SH3GL2: variants seen among roughly 807,000 people sequenced by gnomAD.
The protein encoded by SH3GL2 is SH3 domain containing GRB2 like 2, endophilin A1.
SH3GL2 carries 24 observed loss-of-function variants against 46.0 expected under a neutral mutation model. The ratio of observed to expected loss-of-function variants is 0.52; its 90% confidence interval spans 0.38 to 0.73. SH3GL2 has a LOEUF of 0.73. Among genes scored for constraint, SH3GL2 ranks in the 30% least tolerant of loss-of-function variants. SH3GL2 has a pLI of 0.00. For synonymous variants in SH3GL2, 196 were observed against 147.1 expected (o/e 1.33, Z -2.40); for missense variants, 413 against 424.2 (o/e 0.97, Z 0.23).
rs993498874 is a variant in SH3GL2, at chr9:17,679,968, T to A, written c.46-67098T>A. Among the ~76,000 whole-genome samples, 7 of 152,230 alleles carry A rather than the reference T, an allele frequency of 4.6e-5. 1 individual carries two copies. The highest frequency in any genetic ancestry group is 9.6e-5 in the African/African-American group (4 of 41,540). On this transcript the variant is annotated intron_variant, in intron 1 of 8. Transcript: ENST00000380607. The stretch of plus-strand genomic sequence containing the variant: ...ATATGTTGAACCAGCCTTGCATCCC[T>A]GGGATGAAGCCCACTTGATCGTGGT...
chr9:17,772,569 C>G (rs962419756), intron 3 of SH3GL2, among the ~76,000 whole-genome samples: 1 of 152,178 alleles, frequency 6.6e-6, no homozygotes, highest in Non-Finnish European at 1.5e-5. Flanking sequence ...ATTCTAATCA[C>G]TTCATGTAAG....
At chr9:17,675,957 A>T (rs1248756081) in intron 1 of SH3GL2, among the ~76,000 whole-genome samples, 1 of 152,196 alleles carries the variant, frequency 6.6e-6, no homozygotes, top group Non-Finnish European at 1.5e-5. Flanking sequence ...AAAAATAAAA[A>T]AATAAAAAAA....
At chr9:17,663,242 T>G (rs1003338263) in intron 1 of SH3GL2, among the ~76,000 whole-genome samples, 3 of 152,198 alleles carry the variant, frequency 2.0e-5, no homozygotes, top group African/African-American at 7.2e-5. Context: ...GAATTGATCT[T>G]TTAGTTGTTG....
At chr9:17,678,663 T>C (rs1372058380) in intron 1 of SH3GL2, among the ~76,000 whole-genome samples, 3 of 152,218 alleles carry the variant, frequency 2.0e-5, no homozygotes, top group Admixed American at 2.0e-4. Context: ...ATTTTGTCTT[T>C]TGTTGCCATT....
chr9:17,685,357 A>T (rs767828246), intron 1 of SH3GL2, among the ~76,000 whole-genome samples: 4 of 152,044 alleles, frequency 2.6e-5, no homozygotes, highest in Non-Finnish European at 5.9e-5. Flanking sequence ...GGTTGATTGG[A>T]TGAGGTCCCC....
At chr9:17,735,139 G>A (rs76808962) in intron 1 of SH3GL2, among the ~76,000 whole-genome samples, 1 of 151,984 alleles carries the variant, frequency 6.6e-6, no homozygotes, top group African/African-American at 2.4e-5. Context: ...ATATTCCTCT[G>A]TCTCTTCCTC....
chr9:17,709,680 T>TACACACACACACACACAC lies in SH3GL2; in HGVS notation c.46-37369_46-37352dup, dbSNP rs3837228. On this transcript the variant is annotated intron_variant, in intron 1 of 8. Coordinates refer to ENST00000380607, the MANE Select transcript of SH3GL2 (RefSeq NM_003026.5). ...TATATATAGTTTAACTTATTTGTAT[T>TACACACACACACACACAC]ACACACACACACACACACACACACA... Among the ~76,000 whole-genome samples, 85 of 148,274 alleles carry TACACACACACACACACAC rather than the reference T, an allele frequency of 5.7e-4. 1 individual carries two copies. The highest frequency in any genetic ancestry group is 2.0e-3 in the African/African-American group (79 of 40,172).
chr9:17,611,298 G>A (rs961687748), intron 1 of SH3GL2, among the ~76,000 whole-genome samples: 4 of 152,172 alleles, frequency 2.6e-5, no homozygotes, highest in South Asian at 2.1e-4. Context: ...ACGTGGGTAC[G>A]TGATAGACAT....
chr9:17,785,109 T>G (rs1265047488), intron 3 of SH3GL2, among the ~76,000 whole-genome samples: 2 of 152,312 alleles, frequency 1.3e-5, no homozygotes, highest in East Asian at 3.9e-4. Context: ...CCACCAGCCT[T>G]TACATGTGCT....
rs185720894 is a variant in SH3GL2 at position 17,704,011 on chromosome 9, G to T, written c.46-43055G>T. 1.7e-3 allele frequency among the ~76,000 whole-genome samples: 252 copies of T among 152,138 alleles called. 1 individual carries two copies. The highest frequency in any genetic ancestry group is 5.9e-3 in the African/African-American group (243 of 41,512). On this transcript the variant is annotated intron_variant, in intron 1 of 8. Transcript: ENST00000380607. ...AGAGGAAGTCAAACTATCTGTCTTT[G>T]TAGACCATATGGTTCTATACCTAGA... is the stretch of plus-strand genomic sequence containing the variant.
intron 1 of SH3GL2, among the ~76,000 whole-genome samples, chr9:17,630,038 G>C (rs1198517119): frequency 6.6e-6 from 1 of 152,138 alleles, no homozygotes; most frequent in East Asian, 1.9e-4. Context: ...GACATAAAAA[G>C]CCTCATGTTT....
rs138236993 is a variant in SH3GL2, at chr9:17,642,492, C to G, written c.45+63205C>G. Among the ~76,000 whole-genome samples the G allele has an allele frequency of 7.3e-3, 1,108 of 152,172 alleles. 15 individuals carry two copies. Among genetic ancestry groups the G allele is most frequent in the African/African-American group, 0.025 (1,042 of 41,500 alleles). The stretch of plus-strand genomic sequence containing the variant: ...AGGGTTTTTATGGTTTTAGGTCTGA[C>G]GTTTAAATATTTAATCCATCTTGAG... On this transcript the variant is annotated intron_variant, in intron 1 of 8. Coordinates refer to ENST00000380607, the MANE Select transcript of SH3GL2 (RefSeq NM_003026.5).
At chr9:17,678,137 T>C (rs909349121) in intron 1 of SH3GL2, among the ~76,000 whole-genome samples, 1 of 152,172 alleles carries the variant, frequency 6.6e-6, no homozygotes, top group Admixed American at 6.5e-5. Flanking sequence ...TATAGTCCTT[T>C]GGGTATATAC....
chr9:17,614,323 A>AAAAAAAAC (rs1818938821), intron 1 of SH3GL2, among the ~76,000 whole-genome samples: 2 of 146,774 alleles, frequency 1.4e-5, no homozygotes, highest in Non-Finnish European at 3.0e-5. Context: ...AAAAAAAAAA[A>AAAAAAAAC]TCCTTGCCCC....
intron 1 of SH3GL2, among the ~76,000 whole-genome samples, chr9:17,737,166 C>T (rs1423248595): frequency 6.6e-6 from 1 of 151,808 alleles, no homozygotes; most frequent in East Asian, 2.0e-4. Context: ...AACACATGGA[C>T]ACAGAGAGGG....
chr9:17,747,620 G>A (rs2131131756), intron 2 of SH3GL2, among the ~76,000 whole-genome samples: 1 of 152,220 alleles, frequency 6.6e-6, no homozygotes, highest in South Asian at 2.1e-4. Context: ...TTCCTGCCAT[G>A]TGTCACAAAA....
At chr9:17,752,121 C>T (rs989988120) in intron 2 of SH3GL2, among the ~76,000 whole-genome samples, 1 of 152,134 alleles carries the variant, frequency 6.6e-6, no homozygotes, top group African/African-American at 2.4e-5. Flanking sequence ...TTTCTGAAAA[C>T]ATAAGATAAT....
intron 1 of SH3GL2, among the ~76,000 whole-genome samples, chr9:17,726,819 G>A (rs1385651152): frequency 6.6e-6 from 1 of 152,150 alleles, no homozygotes; most frequent in African/African-American, 2.4e-5. Context: ...TGGGGAAGAT[G>A]TGGAGAAACA....
intron 1 of SH3GL2, among the ~76,000 whole-genome samples, chr9:17,620,975 A>T (rs948599272): frequency 2.6e-5 from 4 of 152,202 alleles, no homozygotes; most frequent in East Asian, 1.9e-4. Context: ...ATGAGTTTTT[A>T]AAAAATACTT....
Sources: gnomAD v4.1 joint callset for allele counts (sites outside exome capture counted in the v4.1 genomes callset) on GRCh38, gnomAD v4.1.1 for gene constraint, MANE v1.5 for transcripts, NCBI Gene and HGNC (gene_info 2026-07-23, HGNC 2026-07-21) for gene names.